TBC1D2B: variants seen among roughly 807,000 people sequenced by gnomAD.
TBC1D2B encodes the protein TBC1 domain family member 2B, also known as TBC1 domain family, member 2B.
TBC1D2B carries 64 observed loss-of-function variants against 100.8 expected under a neutral mutation model. The ratio of observed to expected loss-of-function variants is 0.64; its 90% CI spans 0.52 to 0.78. The LOEUF is 0.78. Ranked by LOEUF, TBC1D2B falls within the 30% of genes least tolerant of loss-of-function variation. The pLI, the probability that TBC1D2B is intolerant of heterozygous loss-of-function variation, is 0.00. For synonymous variants in TBC1D2B, 480 were observed against 479.7 expected (o/e 1.00, Z -0.01); for missense variants, 1,052 against 1,218.4 (o/e 0.86, Z 2.03).
intron 1 of TBC1D2B, chr15:78,066,050 T>G (rs1275501091): frequency 2.1e-6 from 1 of 470,912 alleles, no homozygotes; most frequent in Non-Finnish European, 4.4e-6. Context: ...TGGTGATCAT[T>G]GCAATTCACC....
At chr15:78,057,693 C>T (rs907128261) in intron 1 of TBC1D2B, among the ~76,000 whole-genome samples, 5 of 152,082 alleles carry the variant, frequency 3.3e-5, no homozygotes, top group African/African-American at 1.2e-4. Context: ...GACTTCAATC[C>T]CCAATTAGCT....
At chr15:78,030,308 C>CA in intron 3 of TBC1D2B, 138 bp from the exon 4 acceptor site, 2 of 583,932 alleles carry the variant, frequency 3.4e-6, no homozygotes. Flanking sequence ...TGGGGATTCC[C>CA]TTTTTTTTTT....
rs757149777 is a variant in TBC1D2B, at chr15:78,044,884, C to T, written c.683+16G>A. The T allele has an allele frequency of 1.8e-5, 29 of 1,581,752 alleles. No individual in the cohort carries two copies. The Admixed American group carries it at 3.6e-4, about 20-fold the overall frequency. Reference sequence around the variant, plus strand: ...AACCCATTTTCAATTTCATATGCTGCTTTCTAAAGACTCACTTGAGCTCAT... The same window carrying T: ...AACCCATTTTCAATTTCATATGCTGTTTTCTAAAGACTCACTTGAGCTCAT... On this transcript the variant is annotated intron_variant, in intron 3 of 12. Coordinates refer to ENST00000300584, the MANE Select transcript of TBC1D2B (RefSeq NM_144572.2).
chr15:78,073,402 C>A (rs1408157797), intron 1 of TBC1D2B, among the ~76,000 whole-genome samples: 2 of 152,160 alleles, frequency 1.3e-5, no homozygotes, highest in South Asian at 2.1e-4. Flanking sequence ...TTTTTCTTTA[C>A]TTTTTAACCC....
rs1200756668 is a variant in TBC1D2B, at chr15:78,045,072, A to G, written c.515-4T>C. ...TTTGGGTGTGGGTAAATTAAATCTG[A>G]AAAAAAAGGTAAACAAATGTCAGTT... is the stretch of plus-strand genomic sequence containing the variant. On this transcript the variant is annotated splice_polypyrimidine_tract_variant and splice_region_variant and intron_variant, in intron 2 of 12. Coordinates refer to ENST00000300584, the MANE Select transcript of TBC1D2B (RefSeq NM_144572.2). 2.5e-6 allele frequency: 4 copies of G among 1,577,792 alleles called. No individual in the cohort carries two copies. Among genetic ancestry groups the G allele is most frequent in the Non-Finnish European group, 3.4e-6 (4 of 1,159,600 alleles).
chr15:77,999,860 T>C (rs1210720168), intron 12 of TBC1D2B, among the ~76,000 whole-genome samples: 1 of 152,190 alleles, frequency 6.6e-6, no homozygotes, highest in Non-Finnish European at 1.5e-5. Context: ...AGGTGCCCCA[T>C]GGTCAGCTAA....
intron 2 of TBC1D2B, among the ~76,000 whole-genome samples, chr15:78,053,573 A>G (rs1314039583): frequency 6.6e-6 from 1 of 152,240 alleles, no homozygotes; most frequent in Non-Finnish European, 1.5e-5. Context: ...CCAGGATAGA[A>G]TGAAATCAAT....
intron 1 of TBC1D2B, among the ~76,000 whole-genome samples, chr15:78,072,845 G>C (rs1012731336): frequency 6.6e-6 from 1 of 152,194 alleles, no homozygotes; most frequent in African/African-American, 2.4e-5. Context: ...CACACAGAGA[G>C]AGACGCACAC....
intron 3 of TBC1D2B, among the ~76,000 whole-genome samples, chr15:78,042,858 A>G (rs892222428): frequency 2.0e-5 from 3 of 152,218 alleles, no homozygotes; most frequent in African/African-American, 7.2e-5. Context: ...TTGCAGGCTG[A>G]GGGCTATCAG....
chr15:78,067,082 T>C (rs572214636), intron 1 of TBC1D2B, among the ~76,000 whole-genome samples: 3 of 152,348 alleles, frequency 2.0e-5, no homozygotes, highest in South Asian at 4.1e-4. Flanking sequence ...ACGACAGATA[T>C]ATAAAGCAAG....
intron 9 of TBC1D2B, among the ~76,000 whole-genome samples, chr15:78,010,581 A>G (rs1274190294): frequency 1.3e-5 from 2 of 152,116 alleles, no homozygotes; most frequent in East Asian, 3.9e-4. Flanking sequence ...CCACTGGCAG[A>G]GACAGAGGAG....
chr15:78,040,317 C>T (rs1311401935), intron 3 of TBC1D2B, among the ~76,000 whole-genome samples: 1 of 152,176 alleles, frequency 6.6e-6, no homozygotes, highest in East Asian at 1.9e-4. Flanking sequence ...CAAACACATG[C>T]ACCTGTAAAG....
At chr15:78,040,451 A>T (rs570788566) in intron 3 of TBC1D2B, among the ~76,000 whole-genome samples, 1 of 152,032 alleles carries the variant, frequency 6.6e-6, no homozygotes, top group Admixed American at 6.6e-5. Flanking sequence ...CGGGGGGCTG[A>T]GGTGTGAGGA....
chr15:78,035,970 C>CT lies in TBC1D2B; in HGVS notation c.684-5801dup, dbSNP rs1246552858. Among the ~76,000 whole-genome samples, 9 of 152,360 alleles carry CT rather than the reference C, an allele frequency of 5.9e-5. 1 individual carries two copies. Among genetic ancestry groups the CT allele is most frequent in the African/African-American group, 2.2e-4 (9 of 41,588 alleles). On this transcript the variant is annotated intron_variant, in intron 3 of 12. Transcript: ENST00000300584. ...CCACTGCTGACCCCTCCTGACCCAT[C>CT]TGCTGGTGAGAGCACAGCTTTGGTG...
intron 12 of TBC1D2B, among the ~76,000 whole-genome samples, chr15:78,001,378 G>C (rs548504139): frequency 6.3e-4 from 96 of 152,350 alleles, no homozygotes; most frequent in African/African-American, 2.3e-3. Flanking sequence ...AACTATTGCT[G>C]TTCGTTGTTG....
At position 78,016,707 on chromosome 15, in the gene TBC1D2B, T is replaced by C; in HGVS notation, c.1614A>G (p.Ile538Met). 6.3e-7 allele frequency: 1 copy of C among 1,578,760 alleles called. No individual in the cohort carries two copies. The highest frequency in any genetic ancestry group is 8.6e-7 in the Non-Finnish European group (1 of 1,163,820). The change falls in exon 8 of 13, where the codon ATA becomes ATG. Residue 538 changes from isoleucine (I) to methionine (M), a missense_variant. This residue lies in a region of TBC1D2B where 373 missense variants were observed against 464.9 expected (regional missense o/e 0.80). Transcript: ENST00000300584. The stretch of plus-strand genomic sequence containing the variant: ...GGAGCAATATCAGGTATTTACTTTC[T>C]ATCTGGCAGAGCTTGGCTTCCAGGC... The part of the protein sequence containing the change: ...YSSLEAKLCQ[I>M]ESKYLILLQE...
chr15:78,032,893 G>A (rs1191689695), intron 3 of TBC1D2B, among the ~76,000 whole-genome samples: 8 of 151,998 alleles, frequency 5.3e-5, no homozygotes, highest in African/African-American at 9.7e-5. Flanking sequence ...CCAATGAGTC[G>A]GTCACTGAAG....
At chr15:78,039,429 A>C (rs977015370) in intron 3 of TBC1D2B, among the ~76,000 whole-genome samples, 1 of 152,180 alleles carries the variant, frequency 6.6e-6, no homozygotes, top group Non-Finnish European at 1.5e-5. Flanking sequence ...GAGAGAAGCA[A>C]AAACAAAGGA....
intron 4 of TBC1D2B, among the ~76,000 whole-genome samples, chr15:78,029,451 G>A (rs145398430): frequency 1.3e-5 from 2 of 152,200 alleles, no homozygotes; most frequent in East Asian, 1.9e-4. Context: ...ATAATATTAA[G>A]GATTTATTGT....
Sources: gnomAD v4.1 joint callset for allele counts (sites outside exome capture counted in the v4.1 genomes callset) on GRCh38, gnomAD v4.1.1 for gene constraint, gnomAD v4.1.1 regional missense constraint, MANE v1.5 for transcripts, NCBI Gene and HGNC (gene_info 2026-07-23, HGNC 2026-07-21) for gene names.